The following PTPRD variants were observed in gnomAD, a reference collection of about 807,000 sequenced individuals.
The protein encoded by PTPRD is receptor-type tyrosine-protein phosphatase delta.
Under a neutral mutation model 214.5 loss-of-function variants are expected in PTPRD, and 34 were observed. The observed-to-expected ratio is 0.16, with a 90% CI of 0.12 to 0.21. The LOEUF (loss-of-function observed/expected upper bound fraction) is 0.21, where lower values mean the gene tolerates loss of function less well. Ranked by LOEUF, PTPRD falls within the 10% of genes least tolerant of loss-of-function variation. The pLI is 1.00. For missense variants in PTPRD, 2,545 were observed against 2,398.7 expected, an observed-to-expected ratio of 1.06 and a Z score of -1.27; for synonymous variants, 1,128 against 845.7, an observed-to-expected ratio of 1.33 and a Z score of -5.79.
chr9:9,351,370 T>G (rs529877226), intron 9 of PTPRD, among the ~76,000 whole-genome samples: 2 of 152,142 alleles, frequency 1.3e-5, no homozygotes, highest in South Asian at 4.1e-4. Flanking sequence ...AAGGGATTAG[T>G]CACCATTTAT....
intron 2 of PTPRD, among the ~76,000 whole-genome samples, chr9:10,374,775 C>T (rs1598408088): frequency 6.6e-6 from 1 of 152,010 alleles, no homozygotes; most frequent in African/African-American, 2.4e-5. Context: ...GTAAAATATA[C>T]TTCTTCTGTA....
chr9:8,809,017 A>T (rs539584120), intron 11 of PTPRD, among the ~76,000 whole-genome samples: 1 of 152,172 alleles, frequency 6.6e-6, no homozygotes, highest in African/African-American at 2.4e-5. Context: ...GAACGGAAGG[A>T]AAGTCAGAGA....
intron 34 of PTPRD, 105 bp from the exon 35 acceptor site, chr9:8,436,794 G>T (rs879616494): frequency 4.6e-6 from 4 of 871,832 alleles, no homozygotes; most frequent in Admixed American, 2.2e-5. Context: ...CTGAAAATAT[G>T]TGAGTAGTAA....
intron 7 of PTPRD, among the ~76,000 whole-genome samples, chr9:9,709,147 T>C (rs1427448718): frequency 1.3e-5 from 2 of 152,124 alleles, no homozygotes; most frequent in East Asian, 1.9e-4. Context: ...AAGATTCAAA[T>C]ACCAAAACAA....
intron 35 of PTPRD, among the ~76,000 whole-genome samples, chr9:8,428,510 G>A (rs1271131584): frequency 6.6e-6 from 1 of 151,996 alleles, no homozygotes. Flanking sequence ...AAAATACTTA[G>A]AAATGGAGGC....
intron 10 of PTPRD, among the ~76,000 whole-genome samples, chr9:9,079,951 C>T (rs1030302519): frequency 1.3e-5 from 2 of 151,968 alleles, no homozygotes; most frequent in Admixed American, 6.6e-5. Context: ...TTTAAGTGTG[C>T]ACAGTATGCT....
intron 5 of PTPRD, among the ~76,000 whole-genome samples, chr9:9,864,056 G>C (rs1180924026): frequency 6.6e-6 from 1 of 152,162 alleles, no homozygotes; most frequent in Non-Finnish European, 1.5e-5. Flanking sequence ...TATAATCCCA[G>C]CACTTTAGGA....
intron 11 of PTPRD, among the ~76,000 whole-genome samples, chr9:8,835,939 G>A (rs1208978008): frequency 6.6e-6 from 1 of 152,174 alleles, no homozygotes; most frequent in Non-Finnish European, 1.5e-5. Context: ...TCCTAAGGAA[G>A]TAACTTTATA....
chr9:9,930,023 GAAACA>G (rs1197529746), intron 5 of PTPRD, among the ~76,000 whole-genome samples: 4 of 152,076 alleles, frequency 2.6e-5, no homozygotes, highest in Non-Finnish European at 2.9e-5. Flanking sequence ...CAGTCTGTAG[GAAACA>G]AAACAAAACA....
chr9:8,987,202 T>C (rs928636134), intron 11 of PTPRD, among the ~76,000 whole-genome samples: 1 of 152,034 alleles, frequency 6.6e-6, no homozygotes, highest in Non-Finnish European at 1.5e-5. Flanking sequence ...ATTAGTAGCA[T>C]TAGGTTTCTG....
At chr9:8,978,748 G>A (rs1022724505) in intron 11 of PTPRD, among the ~76,000 whole-genome samples, 1 of 152,100 alleles carries the variant, frequency 6.6e-6, no homozygotes, top group African/African-American at 2.4e-5. Context: ...AACAATGGAG[G>A]AAATAGTAGT....
At chr9:9,193,774 G>A (rs1477193464) in intron 9 of PTPRD, among the ~76,000 whole-genome samples, 1 of 152,126 alleles carries the variant, frequency 6.6e-6, no homozygotes, top group East Asian at 1.9e-4. Context: ...CTGTGAGCGA[G>A]TGATGAGTGA....
chr9:10,228,016 T>C lies in PTPRD; in HGVS notation c.-545+112947A>G, dbSNP rs545397485. On this transcript the variant is annotated intron_variant, in intron 3 of 45. Transcript: ENST00000381196. ...TACAGAAAGGCTAAAGTAAAAATTC[T>C]GGCTGTAATATAGGTGGTCATTTGT... 3.3e-5 allele frequency among the ~76,000 whole-genome samples: 5 copies of C among 152,152 alleles called. No individual in the cohort carries two copies. The South Asian group carries it at 1.0e-3, about 31-fold the overall frequency.
intron 5 of PTPRD, among the ~76,000 whole-genome samples, chr9:9,900,641 G>GTTTGGTTTTTTTTTTTTTTTTT (rs1555302233): frequency 8.3e-6 from 1 of 120,084 alleles, no homozygotes; most frequent in African/African-American, 3.1e-5. Context: ...ACATTTTCAG[G>GTTTGGTTTTTTTTTTTTTTTTT]TTTTTTTTTT....
chr9:8,706,452 C>G (rs115182352), intron 12 of PTPRD, among the ~76,000 whole-genome samples: 1 of 152,144 alleles, frequency 6.6e-6, no homozygotes. Flanking sequence ...GACAAGTGTT[C>G]ATGGTTTTGC....
intron 39 of PTPRD, among the ~76,000 whole-genome samples, chr9:8,360,256 A>G (rs1000536034): frequency 1.3e-5 from 2 of 152,186 alleles, no homozygotes; most frequent in Non-Finnish European, 2.9e-5. Flanking sequence ...ATGGAAAAAT[A>G]TTTATAAACA....
At chr9:9,857,520 G>A (rs905032504) in intron 5 of PTPRD, among the ~76,000 whole-genome samples, 49 of 152,082 alleles carry the variant, frequency 3.2e-4, no homozygotes, top group Admixed American at 3.2e-3. Context: ...TGCACACGGT[G>A]CATTTCTATC....
intron 11 of PTPRD, among the ~76,000 whole-genome samples, chr9:8,992,719 T>C (rs2154348906): frequency 6.6e-6 from 1 of 152,254 alleles, no homozygotes; most frequent in Admixed American, 6.5e-5. Context: ...GGATTTAGGA[T>C]TTTCTACCAG....
At chr9:9,757,290 T>C (rs1044042423) in intron 6 of PTPRD, among the ~76,000 whole-genome samples, 2 of 152,200 alleles carry the variant, frequency 1.3e-5, no homozygotes, top group African/African-American at 4.8e-5. Context: ...CTCTGCTACA[T>C]GCACATAAAT....
Sources: allele counts gnomAD v4.1 joint callset (sites outside exome capture counted in the v4.1 genomes callset), GRCh38; gene constraint gnomAD v4.1.1; transcripts MANE v1.5; gene names NCBI Gene and HGNC (gene_info 2026-07-23, HGNC 2026-07-21).